The following BRAF variants were observed in gnomAD, a reference collection of about 807,000 sequenced individuals.
The protein encoded by BRAF is B-Raf proto-oncogene, serine/threonine kinase, also known as serine/threonine-protein kinase B-raf.
BRAF carries 16 observed loss-of-function variants against 104.6 expected under a neutral mutation model. The ratio of observed to expected loss-of-function variants is 0.15; its 90% confidence interval spans 0.10 to 0.23. The LOEUF (loss-of-function observed/expected upper bound fraction) is 0.23, where lower values mean the gene tolerates loss of function less well. Among genes scored for constraint, BRAF ranks in the 10% least tolerant of loss-of-function variants. BRAF has a pLI of 1.00. For synonymous variants in BRAF, 310 were observed against 341.6 expected, an observed-to-expected ratio of 0.91 and a Z score of 1.02; for missense variants, 541 against 937.3, an observed-to-expected ratio of 0.58 and a Z score of 5.52.
chr7:140,787,398 C>A (rs2129031298), intron 9 of BRAF, 150 bp downstream of exon 9: 5 of 575,128 alleles, frequency 8.7e-6, no homozygotes, highest in East Asian at 3.2e-5. Flanking sequence ...AGGTAAATGA[C>A]AAACACTACA....
chr7:140,717,841 A>G (rs1795168977), downstream of BRAF, among the ~76,000 whole-genome samples: 1 of 152,180 alleles, frequency 6.6e-6, no homozygotes, highest in Non-Finnish European at 1.5e-5. Flanking sequence ...TAGAATTACC[A>G]TTTTCAGAAG....
At chr7:140,768,167 A>C (rs1002975164) in intron 14 of BRAF, among the ~76,000 whole-genome samples, 1 of 152,218 alleles carries the variant, frequency 6.6e-6, no homozygotes, top group African/African-American at 2.4e-5. Context: ...AATGACAGTT[A>C]TCTCTTGATG....
intron 3 of BRAF, among the ~76,000 whole-genome samples, chr7:140,833,151 T>C (rs1806966233): frequency 6.6e-6 from 1 of 152,150 alleles, no homozygotes; most frequent in African/African-American, 2.4e-5. Flanking sequence ...TCCAAAGTGC[T>C]GGGATTACAG....
rs573993955 is a variant in BRAF at position 140,891,355 on chromosome 7, G to A, written c.138+33211C>T. Among the ~76,000 whole-genome samples the A allele has an allele frequency of 2.3e-4, 35 of 152,156 alleles. No individual in the cohort carries two copies. In the South Asian group the frequency reaches 6.7e-3, roughly 29 times the overall value. On this transcript the variant is annotated intron_variant, in intron 1 of 19. Coordinates refer to ENST00000644969, the MANE Select transcript of BRAF (RefSeq NM_001374258.1). The stretch of plus-strand genomic sequence containing the variant: ...CTACAACACCATGATCCTTGGATGC[G>A]GAAGTCTCTTATATAAAAAGGGAGG...
chr7:140,761,509 T>A (rs1302556971), intron 14 of BRAF, among the ~76,000 whole-genome samples: 2 of 151,720 alleles, frequency 1.3e-5, no homozygotes, highest in African/African-American at 4.8e-5. Flanking sequence ...GCTAATATCA[T>A]AATGACAGGA....
chr7:140,808,065 GA>G lies in BRAF; in HGVS notation c.609-4del. 1 of 1,596,834 alleles carries G rather than the reference GA, an allele frequency of 6.3e-7. No individual in the cohort carries two copies. The highest frequency in any genetic ancestry group is 8.6e-7 in the Non-Finnish European group (1 of 1,164,730). Reference sequence around the variant, plus strand: ...CCCAACCAATTGGTTTCTTCTCTCTGAAAAATGTAGACACAAGCCTTTCTTG... The same window carrying G: ...CCCAACCAATTGGTTTCTTCTCTCTGAAAATGTAGACACAAGCCTTTCTTG... On this transcript the variant is annotated splice_polypyrimidine_tract_variant and splice_region_variant and intron_variant, in intron 4 of 19. Coordinates refer to ENST00000644969, the MANE Select transcript of BRAF (RefSeq NM_001374258.1).
chr7:140,774,692 T>G (rs1430676967), intron 14 of BRAF, among the ~76,000 whole-genome samples: 1 of 152,154 alleles, frequency 6.6e-6, no homozygotes, highest in Non-Finnish European at 1.5e-5. Flanking sequence ...AAATTTTTTA[T>G]TTTTTACAGA....
rs1585998658 is a variant in BRAF, at chr7:140,749,447, T to C, written c.1981-29A>G. 6.2e-6 allele frequency: 10 copies of C among 1,609,524 alleles called. No individual in the cohort carries two copies. In the East Asian group the frequency reaches 2.2e-4, roughly 36 times the overall value. ...TTAGAACATACAAAGAAAAATATTC[T>C]TCACTTCAATTGAATAAAGACTGAA... On this transcript the variant is annotated intron_variant, in intron 16 of 19. Transcript: ENST00000644969.
chr7:140,735,777 C>CA (rs1174860161), intron 18 of BRAF, among the ~76,000 whole-genome samples: 1 of 152,012 alleles, frequency 6.6e-6, no homozygotes, highest in Non-Finnish European at 1.5e-5. Context: ...AGGCTGGTCT[C>CA]AAACTCCTGA....
chr7:140,722,274 T>C lies in BRAF; in HGVS notation c.*4220A>G. 9.5e-7 allele frequency: 1 copy of C among 1,056,412 alleles called. No homozygotes were observed. The highest frequency in any genetic ancestry group is 5.3e-5 in the East Asian group (1 of 18,816). 65.4% of individuals were successfully genotyped at this position (1,056,412 alleles called of 1,614,324 possible). A position where few individuals can be genotyped will look rare whatever the true frequency, so the allele number is the denominator to read the frequency against. On this transcript the variant is annotated 3_prime_UTR_variant, in exon 20 of 20. Coordinates refer to ENST00000644969, the MANE Select transcript of BRAF (RefSeq NM_001374258.1). ...ACCTGTGTGTTTTCTCATTGTTAAATGTGATTTTGGCTATAAACTCTTTAG... is the reference window on the plus strand; with the variant it reads ...ACCTGTGTGTTTTCTCATTGTTAAACGTGATTTTGGCTATAAACTCTTTAG...
At chr7:140,726,662 C>T (rs140011183) in intron 19 of BRAF, 30 of 710,986 alleles carry the variant, frequency 4.2e-5, no homozygotes, top group African/African-American at 2.9e-4. Context: ...AAAGCAAAAA[C>T]GGCTGAAACC....
At chr7:140,877,513 T>C (rs1362730281) in intron 1 of BRAF, among the ~76,000 whole-genome samples, 1 of 151,548 alleles carries the variant, frequency 6.6e-6, no homozygotes, top group Non-Finnish European at 1.5e-5. Context: ...AACACAAAAA[T>C]AATAAAAAGC....
intron 17 of BRAF, among the ~76,000 whole-genome samples, chr7:140,745,804 TA>T (rs1392464462): frequency 6.6e-6 from 1 of 152,226 alleles, no homozygotes; most frequent in African/African-American, 2.4e-5. Context: ...CATTTTCTAT[TA>T]AAATAATTTG....
chr7:140,748,480 A>T (rs965335114), intron 17 of BRAF, among the ~76,000 whole-genome samples: 1 of 152,146 alleles, frequency 6.6e-6, no homozygotes, highest in African/African-American at 2.4e-5. Context: ...TTTCCAGGTG[A>T]TTCTGAGGCA....
chr7:140,807,320 A>G (rs1172044059), intron 5 of BRAF, among the ~76,000 whole-genome samples: 2 of 152,230 alleles, frequency 1.3e-5, no homozygotes, highest in African/African-American at 4.8e-5. Context: ...CCTGTATGTA[A>G]CAGATTTTTT....
chr7:140,893,238 T>G (rs1814474967), intron 1 of BRAF, among the ~76,000 whole-genome samples: 1 of 151,480 alleles, frequency 6.6e-6, no homozygotes, highest in Non-Finnish European at 1.5e-5. Context: ...CTCCCTGCTG[T>G]TCCCCATAAC....
At chr7:140,908,184 A>G (rs1816550146) in intron 1 of BRAF, among the ~76,000 whole-genome samples, 2 of 152,182 alleles carry the variant, frequency 1.3e-5, no homozygotes, top group Admixed American at 6.5e-5. Context: ...TCTTATTCAC[A>G]GTGCCAATTG....
chr7:140,729,172 C>A (rs1295296955), intron 19 of BRAF, among the ~76,000 whole-genome samples: 1 of 151,850 alleles, frequency 6.6e-6, no homozygotes, highest in African/African-American at 2.4e-5. Context: ...CAGGTTGAGG[C>A]TGCAGTGAGC....
chr7:140,829,490 A>AT (rs1806473504), intron 3 of BRAF, among the ~76,000 whole-genome samples: 2 of 151,666 alleles, frequency 1.3e-5, no homozygotes, highest in African/African-American at 4.8e-5. Flanking sequence ...TGATTGAACC[A>AT]TTTTTTTCAT....
Sources: gnomAD v4.1 joint callset for allele counts (sites outside exome capture counted in the v4.1 genomes callset) on GRCh38, gnomAD v4.1.1 for gene constraint, MANE v1.5 for transcripts, NCBI Gene and HGNC (gene_info 2026-07-23, HGNC 2026-07-21) for gene names.